The following FBN3 variants were observed in gnomAD, a reference collection of about 807,000 sequenced individuals.
FBN3 encodes the protein fibrillin 3.
In FBN3, 234 loss-of-function variants were observed where a neutral mutation model predicts 330.1. The observed-to-expected ratio is 0.71, with a 90% CI of 0.64 to 0.79. The LOEUF is 0.79. Among genes scored for constraint, FBN3 ranks in the 30% least tolerant of loss-of-function variants. The pLI is 0.00. For synonymous variants in FBN3, 1,458 were observed against 1,517.3 expected, an observed-to-expected ratio of 0.96 and a Z score of 0.91; for missense variants, 3,606 against 3,886.9, an observed-to-expected ratio of 0.93 and a Z score of 1.92.
In FBN3 at chr19:8,131,232, T is replaced by C; in HGVS notation, c.2044+3A>G. 2 of 1,607,978 alleles carry C rather than the reference T, an allele frequency of 1.2e-6. No individual in the cohort carries two copies. The highest frequency in any genetic ancestry group is 1.7e-6 in the Non-Finnish European group (2 of 1,178,272). ...CTGTTTGGAGGGGCTGGGCTCCACTTACCTCGACCATCCGTGGTAATGCCA... is the reference window on the plus strand; with the variant it reads ...CTGTTTGGAGGGGCTGGGCTCCACTCACCTCGACCATCCGTGGTAATGCCA... On this transcript the variant is annotated splice_donor_region_variant and intron_variant, in intron 16 of 63. Coordinates refer to ENST00000600128, the MANE Select transcript of FBN3 (RefSeq NM_032447.5). The surrounding 1 kb of genome is among the most constrained non-coding windows in gnomAD (Gnocchi z 4.5).
At position 8,083,275 on chromosome 19, in the gene FBN3, T is replaced by C; in HGVS notation, c.7185A>G (p.Thr2395=). 6.2e-7 allele frequency: 1 copy of C among 1,614,092 alleles called. No homozygotes were observed. Among genetic ancestry groups the C allele is most frequent in the South Asian group, 1.1e-5 (1 of 91,084 alleles). ...SFRCHCQAGY[T]PDATATTCLD... ...GGCAGGTAGTAGCAGTAGCATCCGG[T>C]GTGTACCCGGCCTGACAGTGGCAGC... The change falls in exon 57 of 64, where the codon ACA becomes ACG. Residue 2395 remains threonine (T), a synonymous_variant. Coordinates refer to ENST00000600128, the MANE Select transcript of FBN3 (RefSeq NM_032447.5).
At chr19:8,145,172 G>A (rs1157672255) in intron 5 of FBN3, among the ~76,000 whole-genome samples, 200 bp from the exon 6 acceptor site, 1 of 152,036 alleles carries the variant, frequency 6.6e-6, no homozygotes, top group African/African-American at 2.4e-5. Context: ...TCAGGGGTTC[G>A]AGACCAGCCT....
intron 19 of FBN3, 39 bp downstream of exon 19, chr19:8,126,674 C>T (rs781183423): frequency 1.0e-5 from 16 of 1,587,824 alleles, no homozygotes; most frequent in Middle Eastern, 1.7e-4. Flanking sequence ...CCATAGACGC[C>T]CAGCCTCTGG....
intron 25 of FBN3, among the ~76,000 whole-genome samples, chr19:8,119,924 T>C (rs756114914): frequency 4.6e-4 from 64 of 137,742 alleles, no homozygotes; most frequent in Middle Eastern, 3.7e-3. Flanking sequence ...GTGTTCAAAC[T>C]ATCCTCCCAC....
In FBN3 at chr19:8,083,260, A is replaced by G; in HGVS notation, c.7200T>C (p.Ala2400=). The change falls in exon 57 of 64, where the codon GCT becomes GCC. Residue 2400 remains alanine, a synonymous_variant. Transcript: ENST00000600128. ...GGCTGGGCTCACCCAGGCAGGTAGT[A>G]GCAGTAGCATCCGGTGTGTACCCGG... is the stretch of plus-strand genomic sequence containing the variant. The part of the protein sequence containing the change: ...CQAGYTPDAT[A]TTCLDMDECS... 6.2e-7 allele frequency: 1 copy of G among 1,614,120 alleles called. No individual in the cohort carries two copies. The highest frequency in any genetic ancestry group is 8.5e-7 in the Non-Finnish European group (1 of 1,180,028).
intron 59 of FBN3, among the ~76,000 whole-genome samples, chr19:8,080,785 A>G (rs2081760187): frequency 6.6e-6 from 1 of 151,800 alleles, no homozygotes; most frequent in Non-Finnish European, 1.5e-5. Context: ...ATGCCAGGCT[A>G]ATTTTTTTGT....
chr19:8,132,193 T>C (rs748286624), intron 14 of FBN3, among the ~76,000 whole-genome samples: 1 of 151,594 alleles, frequency 6.6e-6, no homozygotes, highest in African/African-American at 2.4e-5. Flanking sequence ...CTACAGGGGT[T>C]CATCTCCATG....
intron 18 of FBN3, 90 bp from the exon 19 acceptor site, chr19:8,126,922 C>G (rs1334091145): frequency 6.9e-7 from 1 of 1,454,972 alleles, no homozygotes; most frequent in African/African-American, 1.4e-5. Context: ...GCCGCCGCAA[C>G]CGGTGGCACG....
chr19:8,086,220 G>A lies in FBN3; in HGVS notation c.6860C>T (p.Pro2287Leu), dbSNP rs372213878. 26 of 1,608,786 alleles carry A rather than the reference G, an allele frequency of 1.6e-5. No individual in the cohort carries two copies. The South Asian group carries it at 1.7e-4, about 10-fold the overall frequency. ...CTCACCGTGGCACTCGGTAAGGGTGGGGCTGGGCTGGAATCCCTCATCACA... is the reference window on the plus strand; with the variant it reads ...CTCACCGTGGCACTCGGTAAGGGTGAGGCTGGGCTGGAATCCCTCATCACA... ...CDCDEGFQPS[P>L]TLTECHDIRQ... The change falls in exon 55 of 64, where the codon CCC (proline) becomes CTC (leucine). Residue 2287 changes from proline (P) to leucine (L), a missense_variant. By Grantham distance (98) the Pro-to-Leu change is moderately conservative (BLOSUM62 -3). Coordinates refer to ENST00000600128, the MANE Select transcript of FBN3 (RefSeq NM_032447.5).
intron 18 of FBN3, among the ~76,000 whole-genome samples, chr19:8,128,434 G>A (rs1324737872): frequency 1.3e-5 from 2 of 152,034 alleles, no homozygotes; most frequent in East Asian, 3.9e-4. Context: ...CTTGGTGACG[G>A]ACGCCTGTAA....
At chr19:8,120,165 C>CTTTTTTTTTTTTTT (rs34799960) in intron 25 of FBN3, among the ~76,000 whole-genome samples, 2 of 127,920 alleles carry the variant, frequency 1.6e-5, no homozygotes, top group African/African-American at 6.1e-5. Flanking sequence ...TTCTTTCTTT[C>CTTTTTTTTTTTTTT]TTTTTTTTTT....
rs2082859540 is a variant in FBN3 at position 8,121,819 on chromosome 19, G to A, written c.3083-433C>T. Among the ~76,000 whole-genome samples the A allele has an allele frequency of 6.6e-6, 1 of 151,586 alleles. No individual in the cohort carries two copies. Among genetic ancestry groups the A allele is most frequent in the Non-Finnish European group, 1.5e-5 (1 of 67,934 alleles). The stretch of plus-strand genomic sequence containing the variant: ...GGATGGAGTGCAGTGATGCAATCTC[G>A]GCTCACTGCAACTTCTGCCTCCCAG... On this transcript the variant is annotated intron_variant, in intron 24 of 63. Coordinates refer to ENST00000600128, the MANE Select transcript of FBN3 (RefSeq NM_032447.5). The surrounding 1 kb of genome is among the most constrained non-coding windows in gnomAD (Gnocchi z 4.5).
chr19:8,118,939 G>A lies in FBN3; in HGVS notation c.3295C>T (p.Pro1099Ser), dbSNP rs267605772. The change falls in exon 26 of 64, where the codon CCC becomes TCC. Residue 1099 changes from proline to serine, a missense_variant. Pro to Ser is a moderately conservative substitution (Grantham distance 74, BLOSUM62 -1). Coordinates refer to ENST00000600128, the MANE Select transcript of FBN3 (RefSeq NM_032447.5). Reference protein sequence around the residue: ...NTDGSYKCQCPPGHELTAKGT... With the variant: ...NTDGSYKCQCSPGHELTAKGT... ...TTGGCCGTCAGCTCATGCCCAGGGG[G>A]ACACTGGCACTTGTAGCTCCCATCC... 1 of 1,613,386 alleles carries A rather than the reference G, an allele frequency of 6.2e-7. No individual in the cohort carries two copies. Among genetic ancestry groups the A allele is most frequent in the African/African-American group, 1.3e-5 (1 of 75,052 alleles).
chr19:8,065,735 G>A lies in FBN3; in HGVS notation c.*184C>T. On this transcript the variant is annotated 3_prime_UTR_variant, in exon 64 of 64. Coordinates refer to ENST00000600128, the MANE Select transcript of FBN3 (RefSeq NM_032447.5). The stretch of plus-strand genomic sequence containing the variant: ...TCCAGGAAAGACTGAGTAACTGGGG[G>A]GCCCCCGGGGCTGGCACAGAGGCCC... The A allele has an allele frequency of 1.7e-6, 1 of 585,800 alleles. No individual in the cohort carries two copies. The highest frequency in any genetic ancestry group is 2.4e-5 in the South Asian group (1 of 41,414). The allele number at this position is 585,800 out of a possible 1,614,324, so 36.3% of individuals were successfully genotyped here.
chr19:8,075,268 A>G lies in FBN3; in HGVS notation c.7582+15T>C. On this transcript the variant is annotated intron_variant, in intron 60 of 63. Coordinates refer to ENST00000600128, the MANE Select transcript of FBN3 (RefSeq NM_032447.5). Reference sequence around the variant, plus strand: ...CACCCCCAAACACTAGACCCCAGCCAAAGCTGGGCTGTACCTTCACAGCCA... The same window carrying G: ...CACCCCCAAACACTAGACCCCAGCCGAAGCTGGGCTGTACCTTCACAGCCA... The G allele has an allele frequency of 6.2e-7, 1 of 1,604,326 alleles. No homozygotes were observed. Among genetic ancestry groups the G allele is most frequent in the Non-Finnish European group, 8.5e-7 (1 of 1,173,150 alleles).
Position 8,068,444 on chromosome 19 carries a change from C to T in FBN3, c.8089-2184G>A, listed in dbSNP as rs183021512. Reference sequence around the variant, plus strand: ...GGGCACGGTGGCTCATGCCTGTACTCCCAGCACTTTGGGAAGCTGAAGTGG... The same window carrying T: ...GGGCACGGTGGCTCATGCCTGTACTTCCAGCACTTTGGGAAGCTGAAGTGG... On this transcript the variant is annotated intron_variant, in intron 63 of 63. Coordinates refer to ENST00000600128, the MANE Select transcript of FBN3 (RefSeq NM_032447.5). Among the ~76,000 whole-genome samples, 706 of 151,454 alleles carry T rather than the reference C, an allele frequency of 4.7e-3. 5 individuals carry two copies. Among genetic ancestry groups the T allele is most frequent in the Non-Finnish European group, 7.0e-3 (478 of 67,920 alleles).
In FBN3 at chr19:8,103,597, T is replaced by C; in HGVS notation, c.4904A>G (p.Glu1635Gly). 6.2e-7 allele frequency: 1 copy of C among 1,613,784 alleles called. No individual in the cohort carries two copies. The highest frequency in any genetic ancestry group is 2.2e-5 in the East Asian group (1 of 44,858). ...GTTGCCACCATTGACTTGGAGGTAC[T>C]CTGCAGGGCAGACACAGGTGTAGTT... Reference protein sequence around the residue: ...LGNYTCVCPAEYLQVNGGNNC... With the variant: ...LGNYTCVCPAGYLQVNGGNNC... Residue 1635 changes from glutamate (E) to glycine (G), a missense_variant, in exon 39 of 64, where the codon GAG becomes GGG. By Grantham distance (98) the Glu-to-Gly change is moderately conservative. Transcript: ENST00000600128.
At chr19:8,124,408 T>A (rs1202005937) in intron 22 of FBN3, among the ~76,000 whole-genome samples, 1 of 145,972 alleles carries the variant, frequency 6.9e-6, no homozygotes, top group Non-Finnish European at 1.5e-5. Flanking sequence ...CACACCCGGC[T>A]GACTTTTGTT....
Position 8,121,757 on chromosome 19 carries a change from TTAC to T in FBN3, c.3083-374_3083-372del, listed in dbSNP as rs2082857436. ...TTATTTTTATTACTTATTTATTTAT[TTAC>T]TTTTTTAGAGACAGAGTCTTGCTCT... On this transcript the variant is annotated intron_variant, in intron 24 of 63. Coordinates refer to ENST00000600128, the MANE Select transcript of FBN3 (RefSeq NM_032447.5). This position sits in a 1 kb window ranked among gnomAD's most constrained non-coding sequence, Gnocchi z 4.5. Among the ~76,000 whole-genome samples the T allele has an allele frequency of 2.6e-5, 4 of 152,202 alleles. No homozygotes were observed. The highest frequency in any genetic ancestry group is 4.8e-5 in the African/African-American group (2 of 41,548).
Sources: allele counts gnomAD v4.1 joint callset (sites outside exome capture counted in the v4.1 genomes callset), GRCh38; gene constraint gnomAD v4.1.1; non-coding constraint Gnocchi (gnomAD v3.1); transcripts MANE v1.5; gene names NCBI Gene and HGNC (gene_info 2026-07-23, HGNC 2026-07-21).